The following SH3BGRL variants were observed in gnomAD, a reference collection of about 807,000 sequenced individuals.
SH3BGRL encodes the protein SH3 domain binding glutamate rich protein like, also known as adapter SH3BGRL.
SH3BGRL carries 7 observed loss-of-function variants against 9.8 expected under a neutral mutation model. The ratio of observed to expected loss-of-function variants is 0.72; its 90% CI spans 0.41 to 1.35. The LOEUF is 1.35. SH3BGRL is among the 40% of genes most tolerant of loss of function. The probability of loss-of-function intolerance (pLI) is 0.01; values close to 1 mark genes in which losing one functional copy is unlikely to be tolerated. For missense variants in SH3BGRL, 73 were observed against 84.4 expected (o/e 0.86, Z 0.53); for synonymous variants, 36 against 29.1 (o/e 1.24, Z -0.76).
At chrX:81,284,874 C>A (rs1347218021) in intron 3 of SH3BGRL, among the ~76,000 whole-genome samples, 1 of 110,718 alleles carries the variant, frequency 9.0e-6, no homozygotes, top group Non-Finnish European at 1.9e-5. Flanking sequence ...CTGATGGGCC[C>A]ATAGGAAGCT....
At chrX:81,229,761 G>A (rs777971689) in intron 1 of SH3BGRL, among the ~76,000 whole-genome samples, 159 of 111,625 alleles carry the variant, frequency 1.4e-3, no homozygotes, top group African/African-American at 4.9e-3. Flanking sequence ...GCTTGTATGC[G>A]TGCCCAGTAG....
intron 1 of SH3BGRL, among the ~76,000 whole-genome samples, chrX:81,262,777 G>A (rs1329455286): frequency 8.9e-6 from 1 of 112,048 alleles, no homozygotes; most frequent in African/African-American, 3.2e-5. Context: ...TTCTGTAAAT[G>A]TAAATTGCAT....
chrX:81,214,838 A>C (rs763568600), intron 1 of SH3BGRL, among the ~76,000 whole-genome samples: 1 of 112,106 alleles, frequency 8.9e-6, no homozygotes, highest in African/African-American at 3.2e-5. Flanking sequence ...TTTAGTAAAG[A>C]TCAGTTTGAT....
chrX:81,210,534 T>A (rs759131003), intron 1 of SH3BGRL, among the ~76,000 whole-genome samples: 2 of 111,638 alleles, frequency 1.8e-5, no homozygotes, highest in Non-Finnish European at 3.8e-5. Context: ...TTACATGTAT[T>A]GTTTCATTTT....
intron 1 of SH3BGRL, among the ~76,000 whole-genome samples, chrX:81,246,851 T>C (rs2075691385): frequency 8.9e-6 from 1 of 112,075 alleles, no homozygotes; most frequent in South Asian, 3.7e-4. Context: ...GCGAAGAATG[T>C]TATTTGTAGT....
intron 1 of SH3BGRL, among the ~76,000 whole-genome samples, chrX:81,212,915 T>A (rs1461898134): frequency 8.9e-6 from 1 of 112,762 alleles, no homozygotes; most frequent in Non-Finnish European, 1.9e-5. Context: ...TAAATCAATG[T>A]CTAATTACTT....
intron 1 of SH3BGRL, among the ~76,000 whole-genome samples, chrX:81,256,178 G>T (rs2075724893): frequency 8.9e-6 from 1 of 111,798 alleles, no homozygotes; most frequent in Non-Finnish European, 1.9e-5. Context: ...TTGAGTATAG[G>T]GATTGAGGTT....
chrX:81,217,533 A>G (rs940344888), intron 1 of SH3BGRL, among the ~76,000 whole-genome samples: 2 of 111,497 alleles, frequency 1.8e-5, no homozygotes, highest in African/African-American at 6.5e-5. Context: ...GGAGAAGACT[A>G]TTTAATTTTC....
intron 1 of SH3BGRL, among the ~76,000 whole-genome samples, chrX:81,230,095 C>A (rs1289524140): frequency 9.0e-6 from 1 of 111,502 alleles, no homozygotes; most frequent in East Asian, 2.8e-4. Flanking sequence ...GACCTCAACT[C>A]AAAAATGACT....
intron 1 of SH3BGRL, among the ~76,000 whole-genome samples, chrX:81,254,132 G>T (rs1174347093): frequency 8.9e-6 from 1 of 111,936 alleles, no homozygotes; most frequent in African/African-American, 3.3e-5. Flanking sequence ...ACATACTGTT[G>T]TTCTTGATAG....
intron 1 of SH3BGRL, among the ~76,000 whole-genome samples, chrX:81,226,860 C>T (rs941968768): frequency 3.6e-5 from 4 of 110,669 alleles, no homozygotes; most frequent in East Asian, 2.8e-4. Context: ...AGAGTTTTAC[C>T]ACCACCTTGG....
intron 1 of SH3BGRL, among the ~76,000 whole-genome samples, chrX:81,249,042 G>A (rs1443630000): frequency 8.9e-6 from 1 of 112,058 alleles, no homozygotes; most frequent in Non-Finnish European, 1.9e-5. Flanking sequence ...AGCTCACAGA[G>A]TTTATCTATA....
chrX:81,246,283 T>C (rs1463969511), intron 1 of SH3BGRL, among the ~76,000 whole-genome samples: 1 of 112,078 alleles, frequency 8.9e-6, no homozygotes, highest in African/African-American at 3.2e-5. Flanking sequence ...ACTCTGGCAG[T>C]AGTTTCTTTT....
At chrX:81,222,173 A>G (rs1418371548) in intron 1 of SH3BGRL, among the ~76,000 whole-genome samples, 2 of 111,850 alleles carry the variant, frequency 1.8e-5, no homozygotes, top group African/African-American at 6.5e-5. Flanking sequence ...TTTTTTATTT[A>G]TTTAATTTTT....
Position 81,297,331 on chromosome X carries a change from A to G in SH3BGRL, c.*104A>G. 1 of 618,790 alleles carries G rather than the reference A, an allele frequency of 1.6e-6. No homozygotes were observed. The highest frequency in any genetic ancestry group is 2.5e-6 in the Non-Finnish European group (1 of 405,794). The allele number at this position is 618,790 out of a possible 1,213,427, so 51.0% of individuals were successfully genotyped here. A position where few individuals can be genotyped will look rare whatever the true frequency, so the allele number is the denominator to read the frequency against. On this transcript the variant is annotated 3_prime_UTR_variant, in exon 4 of 4. Transcript: ENST00000373212. Reference sequence around the variant, plus strand: ...CAAAAGAAATAGGCTTAATGTTGAAATAATAGATTAGTTGGGTTTTCACAT... The same window carrying G: ...CAAAAGAAATAGGCTTAATGTTGAAGTAATAGATTAGTTGGGTTTTCACAT...
At chrX:81,256,596 A>G (rs2075726100) in intron 1 of SH3BGRL, among the ~76,000 whole-genome samples, 1 of 112,072 alleles carries the variant, frequency 8.9e-6, no homozygotes, top group South Asian at 3.7e-4. Flanking sequence ...CTGGGCATAC[A>G]AAGTAGCCTA....
In SH3BGRL at chrX:81,244,817, G is replaced by T. The variant is rs374984522; in HGVS notation, c.46-32167G>T. ...CTCCCTCCACCCCGCTACAGGCCCC[G>T]GTGTGGTGTGTGATGTTCCCCTCCC... On this transcript the variant is annotated intron_variant, in intron 1 of 3. Transcript: ENST00000373212. Among the ~76,000 whole-genome samples the T allele has an allele frequency of 4.5e-5, 5 of 110,892 alleles. No homozygotes were observed. In the South Asian group the frequency reaches 2.0e-3, roughly 43 times the overall value.
At chrX:81,202,434 T>C in intron 1 of SH3BGRL, 189 bp downstream of exon 1, 1 of 1,004,522 alleles carries the variant, frequency 1.0e-6, no homozygotes, top group Non-Finnish European at 1.3e-6. Flanking sequence ...TTTTTCCACA[T>C]AGAGTTCAGC....
At chrX:81,284,389 G>A (rs2075827765) in intron 3 of SH3BGRL, among the ~76,000 whole-genome samples, 1 of 109,111 alleles carries the variant, frequency 9.2e-6, no homozygotes, top group South Asian at 3.8e-4. Context: ...ATGGATTTAG[G>A]AGCCTCCCCC....
Sources: allele counts gnomAD v4.1 joint callset (sites outside exome capture counted in the v4.1 genomes callset), GRCh38; gene constraint gnomAD v4.1.1; transcripts MANE v1.5; gene names NCBI Gene and HGNC (gene_info 2026-07-23, HGNC 2026-07-21).